Variants in SH3RF2 observed in about 807,000 individuals in gnomAD.
SH3RF2 encodes the protein SH3 domain containing ring finger 2.
Under a neutral mutation model 59.0 loss-of-function variants are expected in SH3RF2, and 43 were observed. That is an observed-to-expected ratio of 0.73 (90% CI 0.57 to 0.94). The LOEUF (loss-of-function observed/expected upper bound fraction) is 0.94, where lower values mean the gene tolerates loss of function less well. Ranked by LOEUF, SH3RF2 falls within the 40% of genes least tolerant of loss-of-function variation. The probability of loss-of-function intolerance (pLI) is 0.00; values close to 1 mark genes in which losing one functional copy is unlikely to be tolerated. For missense variants in SH3RF2, 930 were observed against 940.1 expected (o/e 0.99, Z 0.14); for synonymous variants, 391 against 391.5 (o/e 1.00, Z 0.01).
At position 146,062,449 on chromosome 5, in the gene SH3RF2, G is replaced by A; in HGVS notation, c.1938G>A (p.Gln646=). 1 of 1,613,996 alleles carries A rather than the reference G, an allele frequency of 6.2e-7. No individual in the cohort carries two copies. The highest frequency in any genetic ancestry group is 8.5e-7 in the Non-Finnish European group (1 of 1,179,954). ...IEKQVKTVRF[Q]NYSPPPTKHY... is the part of the protein sequence containing the mutation. ...AGCAAGTCAAAACCGTGAGATTTCA[G>A]AATTACAGCCCTCCTCCCACCAAAC... The change falls in exon 10 of 10, where the codon CAG becomes CAA. Residue 646 remains glutamine, a synonymous_variant. Transcript: ENST00000359120.
chr5:146,011,474 AT>A, intron 4 of SH3RF2, among the ~76,000 whole-genome samples: 1 of 152,322 alleles, frequency 6.6e-6, no homozygotes. Flanking sequence ...CTTGGGCAGT[AT>A]GGCCGTTTTC....
At position 145,938,149 on chromosome 5, in the gene SH3RF2, A is replaced by T. The variant is rs1274439793; in HGVS notation, c.221A>T (p.Asp74Val). ...PANLLLVRLL[D>V]GVRSGQSSGR... is the part of the protein sequence containing the mutation. ...AACCTGCTGCTCGTGCGCCTTCTGG[A>T]TGGAGTGCGCTCAGGGCAGAGCTCC... The change falls in exon 2 of 10, where the codon GAT becomes GTT. Residue 74 changes from aspartate to valine, a missense_variant. Asp to Val is a radical substitution (Grantham distance 152, BLOSUM62 -3). Transcript: ENST00000359120. 2 of 1,614,026 alleles carry T rather than the reference A, an allele frequency of 1.2e-6. No homozygotes were observed. The highest frequency in any genetic ancestry group is 1.7e-6 in the Non-Finnish European group (2 of 1,180,040).
chr5:146,024,587 T>G (rs996299934), intron 5 of SH3RF2, among the ~76,000 whole-genome samples: 2 of 152,250 alleles, frequency 1.3e-5, no homozygotes, highest in Non-Finnish European at 2.9e-5. Context: ...TTTCCTTTGT[T>G]GCTTGTGCTT....
chr5:146,072,393 C>G (rs1763256450), intron 9 of SH3RF2, among the ~76,000 whole-genome samples: 1 of 152,188 alleles, frequency 6.6e-6, no homozygotes, highest in African/African-American at 2.4e-5. Flanking sequence ...GAATCTCAGG[C>G]TGGGCATGGT....
At chr5:145,986,902 T>G (rs573959695) in intron 2 of SH3RF2, among the ~76,000 whole-genome samples, 1 of 152,252 alleles carries the variant, frequency 6.6e-6, no homozygotes, top group South Asian at 2.1e-4. Context: ...CTTCCTTCCC[T>G]TTTCCCTGCT....
intron 5 of SH3RF2, among the ~76,000 whole-genome samples, chr5:146,018,483 T>C (rs763583387): frequency 3.9e-5 from 6 of 152,046 alleles, no homozygotes; most frequent in Non-Finnish European, 7.4e-5. Context: ...TGTATGTATA[T>C]CTATATATCT....
intron 4 of SH3RF2, among the ~76,000 whole-genome samples, chr5:146,006,302 T>G (rs1760641810): frequency 6.6e-6 from 1 of 152,098 alleles, no homozygotes; most frequent in Non-Finnish European, 1.5e-5. Flanking sequence ...CCCACAATGT[T>G]CCCAGCTACT....
intron 4 of SH3RF2, among the ~76,000 whole-genome samples, chr5:146,010,984 G>A (rs1760866907): frequency 6.6e-6 from 1 of 152,150 alleles, no homozygotes; most frequent in Middle Eastern, 3.4e-3. Context: ...TATTGCCTAG[G>A]TTTTCTTCTA....
chr5:146,041,457 G>A (rs1380882851), intron 5 of SH3RF2, among the ~76,000 whole-genome samples: 2 of 152,212 alleles, frequency 1.3e-5, no homozygotes, highest in African/African-American at 2.4e-5. Flanking sequence ...TAACCCCAGT[G>A]CCTAGCACGG....
At position 146,042,640 on chromosome 5, in the gene SH3RF2, G is replaced by A. The variant is rs934475978; in HGVS notation, c.1060-5132G>A. On this transcript the variant is annotated intron_variant, in intron 5 of 9. Coordinates refer to ENST00000359120, the MANE Select transcript of SH3RF2 (RefSeq NM_152550.4). Reference sequence around the variant, plus strand: ...CTATACCTGAGTGGCTGATGGTGAAGGCAGCAGGGCCAGCAGGGCAGAGCA... The same window carrying A: ...CTATACCTGAGTGGCTGATGGTGAAAGCAGCAGGGCCAGCAGGGCAGAGCA... Among the ~76,000 whole-genome samples, 5 of 152,310 alleles carry A rather than the reference G, an allele frequency of 3.3e-5. No individual in the cohort carries two copies. The South Asian group carries it at 1.0e-3, about 32-fold the overall frequency.
rs755420800 is a variant in SH3RF2, at chr5:145,938,228, G to A, written c.300G>A (p.Arg100=). The change falls in exon 2 of 10, where the codon AGG becomes AGA. Residue 100 remains arginine (R), a synonymous_variant. Coordinates refer to ENST00000359120, the MANE Select transcript of SH3RF2 (RefSeq NM_152550.4). ...GCACGATGACCTTGCAGGATGGCAG[G>A]AAAAGCAGGACCAACCCCAGACGTC... is the stretch of plus-strand genomic sequence containing the variant. The part of the protein sequence containing the change: ...RPGTMTLQDG[R]KSRTNPRRLQ... 1 of 1,611,778 alleles carries A rather than the reference G, an allele frequency of 6.2e-7. No homozygotes were observed. Among genetic ancestry groups the A allele is most frequent in the South Asian group, 1.1e-5 (1 of 91,002 alleles).
intron 5 of SH3RF2, among the ~76,000 whole-genome samples, chr5:146,016,988 G>A (rs1157748578): frequency 2.0e-5 from 3 of 152,190 alleles, no homozygotes; most frequent in Non-Finnish European, 2.9e-5. Flanking sequence ...GTAGAGACAA[G>A]TCTTGGATTG....
chr5:146,032,696 C>T (rs1337765756), intron 5 of SH3RF2, among the ~76,000 whole-genome samples: 1 of 152,162 alleles, frequency 6.6e-6, no homozygotes, highest in Non-Finnish European at 1.5e-5. Context: ...CATCCTACTG[C>T]CTATGCCTTG....
intron 9 of SH3RF2, among the ~76,000 whole-genome samples, chr5:146,071,744 A>T (rs1763245345): frequency 6.6e-6 from 1 of 152,210 alleles, no homozygotes; most frequent in Non-Finnish European, 1.5e-5. Flanking sequence ...CCTTTGGCAA[A>T]TAACTAAAGA....
chr5:145,990,807 C>T (rs557879381), intron 2 of SH3RF2, among the ~76,000 whole-genome samples: 1 of 152,162 alleles, frequency 6.6e-6, no homozygotes, highest in South Asian at 2.1e-4. Flanking sequence ...GAGATCTCCA[C>T]ACAAACTTTA....
chr5:146,013,926 C>G lies in SH3RF2; in HGVS notation c.924C>G (p.Leu308=). 1 of 1,614,172 alleles carries G rather than the reference C, an allele frequency of 6.2e-7. No individual in the cohort carries two copies. Among genetic ancestry groups the G allele is most frequent in the African/African-American group, 1.3e-5 (1 of 75,026 alleles). ...QFSITTALNT[L]NRMVHSPSGR... is the part of the protein sequence containing the mutation. The stretch of plus-strand genomic sequence containing the variant: ...CCATCACAACAGCCTTGAACACTCT[C>G]AACCGGATGGTCCATTCTCCTTCAG... Residue 308 remains leucine (L), a synonymous_variant, in exon 5 of 10, where the codon CTC becomes CTG. Transcript: ENST00000359120.
At chr5:146,034,811 C>T (rs1350271587) in intron 5 of SH3RF2, among the ~76,000 whole-genome samples, 1 of 151,978 alleles carries the variant, frequency 6.6e-6, no homozygotes, top group Non-Finnish European at 1.5e-5. Flanking sequence ...CTCAGTTACT[C>T]AAAAAAGAAC....
At position 146,063,187 on chromosome 5, in the gene SH3RF2, T is replaced by C. The variant is rs1762963107; in HGVS notation, c.*486T>C. 1 of 154,340 alleles carries C rather than the reference T, an allele frequency of 6.5e-6. No homozygotes were observed. Among genetic ancestry groups the C allele is most frequent in the Non-Finnish European group, 1.4e-5 (1 of 69,682 alleles). 9.6% of individuals were successfully genotyped at this position (154,340 alleles called of 1,614,324 possible). A position where few individuals can be genotyped will look rare whatever the true frequency, so the allele number is the denominator to read the frequency against. On this transcript the variant is annotated 3_prime_UTR_variant, in exon 10 of 10. Coordinates refer to ENST00000359120, the MANE Select transcript of SH3RF2 (RefSeq NM_152550.4). ...GCCACTAGTAGCTGCCATATCTTTTTCCCTCTGTAAAGTCATAATCCTGGC... is the reference window on the plus strand; with the variant it reads ...GCCACTAGTAGCTGCCATATCTTTTCCCCTCTGTAAAGTCATAATCCTGGC...
Position 146,059,927 on chromosome 5 carries a change from A to G in SH3RF2, c.1617A>G (p.Arg539=). The G allele has an allele frequency of 6.6e-7, 1 of 1,512,634 alleles. No individual in the cohort carries two copies. The highest frequency in any genetic ancestry group is 1.4e-5 in the South Asian group (1 of 73,680). The allele number at this position is 1,512,634 out of a possible 1,614,324, so 93.7% of individuals were successfully genotyped here. ...GIPTLVVGSL[R]RSPTMVLRPQ... ...CCACTCTCGTGGTAGGCTCCCTCAG[A>G]CGCAGCCCCACCATGGTCCTTCGGC... The change falls in exon 9 of 10, where the codon AGA becomes AGG. Residue 539 remains arginine, a synonymous_variant. Transcript: ENST00000359120.
Sources: allele counts gnomAD v4.1 joint callset (sites outside exome capture counted in the v4.1 genomes callset), GRCh38; gene constraint gnomAD v4.1.1; transcripts MANE v1.5; gene names NCBI Gene and HGNC (gene_info 2026-07-23, HGNC 2026-07-21).